The following RCOR3 variants were observed in gnomAD, a reference collection of about 807,000 sequenced individuals.
The protein encoded by RCOR3 is REST corepressor 3.
In RCOR3, 13 loss-of-function variants were observed where a neutral mutation model predicts 64.1. The observed-to-expected ratio is 0.20, with a 90% confidence interval of 0.13 to 0.32. The LOEUF (loss-of-function observed/expected upper bound fraction) is 0.32, where lower values mean the gene tolerates loss of function less well. RCOR3 is among the 10% of genes least tolerant of loss of function. The probability of loss-of-function intolerance (pLI) is 1.00; values close to 1 mark genes in which losing one functional copy is unlikely to be tolerated. For missense variants in RCOR3, 489 were observed against 701.2 expected (o/e 0.70, Z 3.42); for synonymous variants, 215 against 239.0 (o/e 0.90, Z 0.93).
At position 211,259,549 on chromosome 1, in the gene RCOR3, C is replaced by G. The variant is rs1693796872; in HGVS notation, c.-12C>G. ...CCTCTTCCCCTCACCTTTCCCCCTCCCCTGTTCTACCATGCCCGGCATGAT... is the reference window on the plus strand; with the variant it reads ...CCTCTTCCCCTCACCTTTCCCCCTCGCCTGTTCTACCATGCCCGGCATGAT... On this transcript the variant is annotated 5_prime_UTR_variant, in exon 1 of 12. Coordinates refer to ENST00000419091, the MANE Select transcript of RCOR3 (RefSeq NM_001136223.3). The G allele has an allele frequency of 3.2e-6, 5 of 1,546,840 alleles. No homozygotes were observed. Among genetic ancestry groups the G allele is most frequent in the Non-Finnish European group, 2.6e-6 (3 of 1,145,334 alleles).
chr1:211,306,509 T>C (rs1700866079), intron 10 of RCOR3, among the ~76,000 whole-genome samples: 1 of 152,180 alleles, frequency 6.6e-6, no homozygotes, highest in African/African-American at 2.4e-5. Flanking sequence ...CACTTATTTG[T>C]TAAATGCTTT....
intron 10 of RCOR3, among the ~76,000 whole-genome samples, chr1:211,311,436 G>A (rs913571598): frequency 6.6e-6 from 1 of 152,086 alleles, no homozygotes; most frequent in African/African-American, 2.4e-5. Flanking sequence ...TTAGAGTCAA[G>A]CCCAGCTAGT....
intron 8 of RCOR3, among the ~76,000 whole-genome samples, chr1:211,294,675 C>T (rs545416507): frequency 4.1e-4 from 62 of 150,750 alleles, no homozygotes; most frequent in Non-Finnish European, 6.6e-4. Flanking sequence ...CTGCAAGCTC[C>T]ACCTCCTGGG....
Position 211,259,428 on chromosome 1 carries a change from GCCT to G in RCOR3, c.-121_-119del, listed in dbSNP as rs1018939672. 6.7e-5 allele frequency: 58 copies of G among 867,592 alleles called. No individual in the cohort carries two copies. The highest frequency in any genetic ancestry group is 2.0e-4 in the Admixed American group (7 of 35,318). The allele number at this position is 867,592 out of a possible 1,614,324, so 53.7% of individuals were successfully genotyped here. A position where few individuals can be genotyped will look rare whatever the true frequency, so the allele number is the denominator to read the frequency against. On this transcript the variant is annotated 5_prime_UTR_variant, in exon 1 of 12. Transcript: ENST00000419091. The stretch of plus-strand genomic sequence containing the variant: ...CGGTTATGGCGGCTCCATATTAACA[GCCT>G]CCTCCTCCTCCGCCGCCGCCGCCGT...
At chr1:211,267,758 A>T (rs760607347) in intron 2 of RCOR3, 25 of 304,300 alleles carry the variant, frequency 8.2e-5, no homozygotes, top group Non-Finnish European at 1.4e-4. Context: ...CATCCAGCTA[A>T]TTTTTTGTGT....
chr1:211,263,866 G>A (rs1694772730), intron 2 of RCOR3, among the ~76,000 whole-genome samples: 1 of 151,824 alleles, frequency 6.6e-6, no homozygotes, highest in African/African-American at 2.4e-5. Flanking sequence ...TGTCCCCCAG[G>A]CTGGAGTGCA....
chr1:211,304,280 A>T lies in RCOR3; in HGVS notation c.1075+140A>T, dbSNP rs1485891471. On this transcript the variant is annotated intron_variant, in intron 10 of 11. Coordinates refer to ENST00000419091, the MANE Select transcript of RCOR3 (RefSeq NM_001136223.3). ...TATCACAAAGTCCTGGTGACCAGGA[A>T]TTCTGTGTTGTATTTGTGGATGTGA... 5.6e-6 allele frequency: 3 copies of T among 539,172 alleles called. No homozygotes were observed. The African/African-American group carries it at 5.9e-5, about 11-fold the overall frequency. 33.4% of individuals were successfully genotyped at this position (539,172 alleles called of 1,614,324 possible).
chr1:211,312,909 C>T lies in RCOR3; in HGVS notation c.1265C>T (p.Thr422Ile). The change falls in exon 11 of 12, where the codon ACA becomes ATA. Residue 422 changes from threonine (T) to isoleucine (I), a missense_variant. Coordinates refer to ENST00000419091, the MANE Select transcript of RCOR3 (RefSeq NM_001136223.3). The surrounding 1 kb of genome is among the most constrained non-coding windows in gnomAD (Gnocchi z 5.0). ...GATGCTTCTACTTTAGGGGAGGAGA[C>T]AAAAAGTGCTTCTAATGTGCCATCA... ...NGDASTLGEE[T>I]KSASNVPSGK... 1 of 1,614,036 alleles carries T rather than the reference C, an allele frequency of 6.2e-7. No homozygotes were observed. Among genetic ancestry groups the T allele is most frequent in the Non-Finnish European group, 8.5e-7 (1 of 1,180,008 alleles).
At chr1:211,292,154 A>G (rs1699314903) in intron 8 of RCOR3, among the ~76,000 whole-genome samples, 1 of 152,116 alleles carries the variant, frequency 6.6e-6, no homozygotes, top group Admixed American at 6.5e-5. Context: ...CTACTCAGTA[A>G]TGTTTGACAC....
intron 7 of RCOR3, among the ~76,000 whole-genome samples, chr1:211,288,600 T>C (rs898374705): frequency 6.8e-6 from 1 of 148,080 alleles, no homozygotes; most frequent in African/African-American, 2.4e-5. Context: ...TTATATTTAT[T>C]ATTTATTTTA....
At chr1:211,310,540 A>G (rs1489592277) in intron 10 of RCOR3, among the ~76,000 whole-genome samples, 2 of 152,236 alleles carry the variant, frequency 1.3e-5, no homozygotes, top group African/African-American at 2.4e-5. Flanking sequence ...AGTTGTTGAC[A>G]TTGAACATCT....
chr1:211,301,435 CAAA>C (rs1417404321), intron 9 of RCOR3: 1 of 152,156 alleles, frequency 6.6e-6, no homozygotes, highest in Non-Finnish European at 1.5e-5. Context: ...CCCCCCAAAA[CAAA>C]ACACAACTAT....
intron 7 of RCOR3, among the ~76,000 whole-genome samples, chr1:211,284,661 G>A (rs1439496714): frequency 6.6e-6 from 1 of 152,064 alleles, no homozygotes; most frequent in Non-Finnish European, 1.5e-5. Flanking sequence ...GGGACTACAG[G>A]CATGCACCAC....
intron 4 of RCOR3, among the ~76,000 whole-genome samples, chr1:211,275,273 T>C (rs1268260378): frequency 3.9e-5 from 6 of 152,058 alleles, no homozygotes; most frequent in Non-Finnish European, 7.4e-5. Flanking sequence ...TCCAGTTACA[T>C]GGTAAAGGAA....
rs771405811 is a variant in RCOR3, at chr1:211,289,349, A to T, written c.892A>T (p.Thr298Ser). The change falls in exon 8 of 12, where the codon ACC becomes TCC. Residue 298 changes from threonine (T) to serine (S), a missense_variant. Around this residue, in one of 2 missense-constraint regions of RCOR3, gnomAD observed 402 missense variants for 617.0 expected, o/e 0.65. Transcript: ENST00000419091. ...TTCCTGTAGTCCCAATGCAGCCAAC[A>T]CCATCCTGAGGCAACTGGACATGGA... ...AVSCSPNAAN[T>S]ILRQLDMELI... 6.2e-7 allele frequency: 1 copy of T among 1,614,158 alleles called. No homozygotes were observed. Among genetic ancestry groups the T allele is most frequent in the South Asian group, 1.1e-5 (1 of 91,086 alleles).
chr1:211,279,197 AAAAAAG>A (rs1049007700), intron 6 of RCOR3, 35 bp from the exon 7 acceptor site: 1 of 1,420,534 alleles, frequency 7.0e-7, no homozygotes, highest in African/African-American at 1.4e-5. Flanking sequence ...TAAAAAAAAA[AAAAAAG>A]GGAATTAAGT....
chr1:211,291,545 T>A (rs761506824), intron 8 of RCOR3: 22 of 456,082 alleles, frequency 4.8e-5, no homozygotes, highest in Non-Finnish European at 7.9e-5. Flanking sequence ...CACTGGGAGT[T>A]TTGGACTGTA....
Position 211,313,861 on chromosome 1 carries a change from C to T in RCOR3, c.*93C>T, listed in dbSNP as rs1183898235. ...GAAAAAGAGGAAAGAATAATCATTT[C>T]TAGATACTGAGGCTGCGAACTAGTT... On this transcript the variant is annotated 3_prime_UTR_variant, in exon 12 of 12. Coordinates refer to ENST00000419091, the MANE Select transcript of RCOR3 (RefSeq NM_001136223.3). The surrounding 1 kb of genome is among the most constrained non-coding windows in gnomAD (Gnocchi z 4.7). 6.8e-6 allele frequency: 8 copies of T among 1,182,860 alleles called. No homozygotes were observed. The East Asian group carries it at 1.0e-4, about 15-fold the overall frequency. The allele number at this position is 1,182,860 out of a possible 1,614,324, so 73.3% of individuals were successfully genotyped here. A position where few individuals can be genotyped will look rare whatever the true frequency, so the allele number is the denominator to read the frequency against.
At chr1:211,271,701 A>T (rs1696229051) in intron 3 of RCOR3, 1 of 341,762 alleles carries the variant, frequency 2.9e-6, no homozygotes, top group Non-Finnish European at 5.8e-6. Context: ...TAAAGAGGAA[A>T]GGGGAAAGAA....
Sources: gnomAD v4.1 joint callset for allele counts (sites outside exome capture counted in the v4.1 genomes callset) on GRCh38, gnomAD v4.1.1 for gene constraint, gnomAD v4.1.1 regional missense constraint, Gnocchi (gnomAD v3.1) non-coding constraint, MANE v1.5 for transcripts, NCBI Gene and HGNC (gene_info 2026-07-23, HGNC 2026-07-21) for gene names.